The following DIAPH2 variants were observed in gnomAD, a reference collection of about 807,000 sequenced individuals.
DIAPH2 encodes protein diaphanous homolog 2.
A neutral mutation model predicts 92.7 loss-of-function variants in DIAPH2; 35 were observed. That is an observed-to-expected ratio of 0.38 (90% CI 0.29 to 0.50). The LOEUF (loss-of-function observed/expected upper bound fraction) is 0.50, where lower values mean the gene tolerates loss of function less well. Among genes scored for constraint, DIAPH2 ranks in the 20% least tolerant of loss-of-function variants. The pLI is 0.94. For synonymous variants in DIAPH2, 301 were observed against 280.4 expected, an observed-to-expected ratio of 1.07 and a Z score of -0.73; for missense variants, 701 against 819.5, an observed-to-expected ratio of 0.86 and a Z score of 1.77.
intron 4 of DIAPH2, among the ~76,000 whole-genome samples, chrX:96,795,890 C>T (rs2064535033): frequency 1.8e-5 from 2 of 111,646 alleles, no homozygotes; most frequent in South Asian, 7.5e-4. Context: ...GTGAAAATGT[C>T]TGCCTTTTAA....
chrX:97,072,139 T>C (rs1213478417), intron 17 of DIAPH2, among the ~76,000 whole-genome samples: 2 of 111,991 alleles, frequency 1.8e-5, no homozygotes, highest in Non-Finnish European at 3.8e-5. Context: ...CTTAATGCTT[T>C]ATTTTCATAG....
chrX:96,845,449 C>CT (rs1191446636), intron 4 of DIAPH2, among the ~76,000 whole-genome samples: 3 of 112,004 alleles, frequency 2.7e-5, no homozygotes, highest in Non-Finnish European at 5.6e-5. Context: ...CTTTATTTCC[C>CT]TTTAAGTATT....
intron 23 of DIAPH2, among the ~76,000 whole-genome samples, chrX:97,255,163 C>T (rs771444947): frequency 4.5e-5 from 5 of 111,638 alleles, no homozygotes; most frequent in South Asian, 3.7e-4. Flanking sequence ...GTGCTGCCTC[C>T]GAGGTTAGAC....
chrX:96,685,053 AG>A lies in DIAPH2; in HGVS notation c.-5del. 3 of 997,916 alleles carry A rather than the reference AG, an allele frequency of 3.0e-6. No individual in the cohort carries two copies. The highest frequency in any genetic ancestry group is 3.8e-6 in the Non-Finnish European group (3 of 785,376). The allele number at this position is 997,916 out of a possible 1,213,427, so 82.2% of individuals were successfully genotyped here. The stretch of plus-strand genomic sequence containing the variant: ...TACAGGGCACAGGTGACAGGGCCGG[AG>A]AAAGATGGAGCAGCCCGGGGCGGCG... On this transcript the variant is annotated 5_prime_UTR_variant, in exon 1 of 27. Transcript: ENST00000324765.
chrX:97,570,122 ATT>A (rs55633099), intron 26 of DIAPH2, among the ~76,000 whole-genome samples: 284 of 21,116 alleles, frequency 0.013, 2 homozygotes, highest in Non-Finnish European at 0.019. Flanking sequence ...ATATATATAT[ATT>A]AGAAGATAGA....
rs765578357 is a variant in DIAPH2, at chrX:97,052,667, C to T, written c.2051-20274C>T. On this transcript the variant is annotated intron_variant, in intron 17 of 26. Transcript: ENST00000324765. ...AATGAAGATGAGAAGAATAAGAGCA[C>T]AAATGCTGAGTTAGAATCTCTAGGA... Among the ~76,000 whole-genome samples, 3 of 110,943 alleles carry T rather than the reference C, an allele frequency of 2.7e-5. No individual in the cohort carries two copies. In the South Asian group the frequency reaches 1.2e-3, roughly 43 times the overall value.
chrX:96,759,469 C>T (rs892457387), intron 4 of DIAPH2, among the ~76,000 whole-genome samples: 2 of 111,553 alleles, frequency 1.8e-5, no homozygotes, highest in African/African-American at 3.2e-5. Flanking sequence ...TTGCCATGAG[C>T]GTCGTTTTCA....
chrX:96,881,498 CAAAAT>C (rs1472868304), intron 4 of DIAPH2, 76 bp from the exon 5 acceptor site: 10 of 860,408 alleles, frequency 1.2e-5, no homozygotes, highest in African/African-American at 2.1e-5. Flanking sequence ...TTTTATATAA[CAAAAT>C]AAATATTCTA....
intron 17 of DIAPH2, among the ~76,000 whole-genome samples, chrX:97,019,847 C>A (rs928307658): frequency 3.6e-5 from 4 of 111,681 alleles, no homozygotes; most frequent in Non-Finnish European, 7.5e-5. Flanking sequence ...AGAAAGTCTT[C>A]TGCTAAAAAA....
intron 26 of DIAPH2, among the ~76,000 whole-genome samples, chrX:97,455,153 A>G (rs1250750876): frequency 1.8e-5 from 2 of 112,488 alleles, no homozygotes; most frequent in Non-Finnish European, 3.8e-5. Context: ...ACTCTCTGCT[A>G]TCCAGATCAA....
At chrX:97,001,203 C>G (rs1037373444) in intron 17 of DIAPH2, among the ~76,000 whole-genome samples, 1 of 112,262 alleles carries the variant, frequency 8.9e-6, no homozygotes, top group Non-Finnish European at 1.9e-5. Flanking sequence ...GTTCCCTTCA[C>G]AACACCAGTG....
chrX:97,598,883 T>G (rs2071572849), intron 26 of DIAPH2, among the ~76,000 whole-genome samples: 1 of 112,259 alleles, frequency 8.9e-6, no homozygotes. Context: ...TGAAAACTCA[T>G]GGGGAATTGA....
chrX:97,443,064 G>A (rs1277870244), intron 26 of DIAPH2, among the ~76,000 whole-genome samples: 4 of 109,797 alleles, frequency 3.6e-5, no homozygotes, highest in African/African-American at 1.3e-4. Context: ...CACTGTGCCT[G>A]GCTAATTTTA....
At chrX:97,245,305 CTTATTTAT>C (rs759962311) in intron 22 of DIAPH2, among the ~76,000 whole-genome samples, 1,391 of 108,671 alleles carry the variant, frequency 0.013, 36 homozygotes, top group African/African-American at 0.045. Flanking sequence ...ACCCAGCTTG[CTTATTTAT>C]TTATTTATTT....
intron 5 of DIAPH2, chrX:96,884,930 G>T (rs2065249078): frequency 1.7e-6 from 2 of 1,211,395 alleles, no homozygotes; most frequent in East Asian, 5.9e-5. Flanking sequence ...GAAGTGCTGC[G>T]TTTGATTCAT....
At chrX:96,867,857 G>A (rs771906116) in intron 4 of DIAPH2, among the ~76,000 whole-genome samples, 6 of 111,751 alleles carry the variant, frequency 5.4e-5, no homozygotes, top group Non-Finnish European at 1.1e-4. Flanking sequence ...ATATGTCAGT[G>A]TTAACTTTAA....
At chrX:96,912,742 G>T (rs1440095301) in intron 7 of DIAPH2, among the ~76,000 whole-genome samples, 190 bp downstream of exon 7, 3 of 110,365 alleles carry the variant, frequency 2.7e-5, no homozygotes, top group Non-Finnish European at 5.7e-5. Context: ...AACCCGGCAT[G>T]CATTAACTCT....
At chrX:97,344,808 T>C (rs186178597) in intron 23 of DIAPH2, among the ~76,000 whole-genome samples, 6 of 112,629 alleles carry the variant, frequency 5.3e-5, no homozygotes, top group African/African-American at 1.6e-4. Context: ...TGTGTTATGA[T>C]AAATGGGGAA....
intron 4 of DIAPH2, among the ~76,000 whole-genome samples, chrX:96,814,712 G>C (rs1692751572): frequency 8.9e-6 from 1 of 111,934 alleles, no homozygotes; most frequent in Non-Finnish European, 1.9e-5. Flanking sequence ...TGGGGTTTTG[G>C]TGTGGATATC....
Sources: allele counts gnomAD v4.1 joint callset (sites outside exome capture counted in the v4.1 genomes callset), GRCh38; gene constraint gnomAD v4.1.1; transcripts MANE v1.5; gene names NCBI Gene and HGNC (gene_info 2026-07-23, HGNC 2026-07-21).